The following CHADL variants were observed in gnomAD, a reference collection of about 807,000 sequenced individuals.
CHADL encodes the protein chondroadherin like, also known as chondroadherin-like protein.
CHADL carries 48 observed loss-of-function variants against 52.1 expected under a neutral mutation model. The ratio of observed to expected loss-of-function variants is 0.92; its 90% CI spans 0.73 to 1.17. The LOEUF (loss-of-function observed/expected upper bound fraction) is 1.17, where lower values mean the gene tolerates loss of function less well. CHADL is among the 50% of genes most tolerant of loss of function. The pLI is 0.00. For synonymous variants in CHADL, 498 were observed against 511.2 expected (o/e 0.97, Z 0.35); for missense variants, 977 against 1,035.1 (o/e 0.94, Z 0.77).
intron 5 of CHADL, among the ~76,000 whole-genome samples, chr22:41,234,435 G>A (rs1005640128): frequency 2.0e-5 from 3 of 151,356 alleles, no homozygotes; most frequent in African/African-American, 7.3e-5. Context: ...AGGCTGGGGT[G>A]CAGTGGCGTG....
intron 5 of CHADL, among the ~76,000 whole-genome samples, chr22:41,231,603 C>T (rs938124482): frequency 6.6e-6 from 1 of 152,242 alleles, no homozygotes; most frequent in Admixed American, 6.5e-5. Context: ...TAGAGGTCAG[C>T]TTGATTTGTT....
At chr22:41,229,849 C>G (rs1322356042) in intron 5 of CHADL, 119 bp from the exon 6 acceptor site, 5 of 935,252 alleles carry the variant, frequency 5.3e-6, no homozygotes, top group Non-Finnish European at 6.8e-6. Context: ...GAGCTGAGTC[C>G]CCCTCTAGCC....
intron 1 of CHADL, 80 bp from the exon 2 acceptor site, chr22:41,239,700 A>C: frequency 5.4e-6 from 7 of 1,307,946 alleles, no homozygotes; most frequent in Non-Finnish European, 7.1e-6. Flanking sequence ...GCCATGGTGC[A>C]GCTCCTGCCC....
rs1463895343 is a variant in CHADL, at chr22:41,238,382, G to A, written c.690C>T (p.Arg230=). The A allele has an allele frequency of 1.3e-6, 2 of 1,496,270 alleles. No individual in the cohort carries two copies. Among genetic ancestry groups the A allele is most frequent in the East Asian group, 2.5e-5 (1 of 40,252 alleles). The allele number at this position is 1,496,270 out of a possible 1,614,324, so 92.7% of individuals were successfully genotyped here. A position where few individuals can be genotyped will look rare whatever the true frequency, so the allele number is the denominator to read the frequency against. The change falls in exon 3 of 6, where the codon CGC becomes CGT. Residue 230 remains arginine (R), a synonymous_variant. Transcript: ENST00000216241. This position sits in a 1 kb window ranked among gnomAD's most constrained non-coding sequence, Gnocchi z 4.9. ...ALPGPVLSQA[R]GLARLELGHN... ...GGCCCAGCTCCAGACGGGCCAGGCC[G>A]CGGGCCTGGGACAAGACAGGCCCGG...
Position 41,238,580 on chromosome 22 carries a change from G to A in CHADL, c.492C>T (p.Asn164=), listed in dbSNP as rs756471212. Residue 164 remains asparagine, a synonymous_variant, in exon 3 of 6, where the codon AAC becomes AAT. Transcript: ENST00000216241. The surrounding 1 kb of genome is among the most constrained non-coding windows in gnomAD (Gnocchi z 4.9). ...FGALGALATL[N]LAHNALVYLP... Reference sequence around the variant, plus strand: ...GGTAAACCAGGGCGTTGTGGGCCAGGTTTAGCGTGGCCAGCGCACCCAGTG... The same window carrying A: ...GGTAAACCAGGGCGTTGTGGGCCAGATTTAGCGTGGCCAGCGCACCCAGTG... The A allele has an allele frequency of 1.4e-4, 218 of 1,545,996 alleles. No homozygotes were observed. Among genetic ancestry groups the A allele is most frequent in the Admixed American group, 1.8e-4 (9 of 50,974 alleles).
rs909506955 is a variant in CHADL at position 41,229,545 on chromosome 22, A to G, written c.*159T>C. 5 of 1,608,754 alleles carry G rather than the reference A, an allele frequency of 3.1e-6. No individual in the cohort carries two copies. Among genetic ancestry groups the G allele is most frequent in the Non-Finnish European group, 4.3e-6 (5 of 1,175,968 alleles). ...GAATCCATTTTTATTCAAAGGGAAA[A>G]GAATCCCGCCCACTAAGACGCGACC... is the stretch of plus-strand genomic sequence containing the variant. On this transcript the variant is annotated 3_prime_UTR_variant, in exon 6 of 6. Coordinates refer to ENST00000216241, the MANE Select transcript of CHADL (RefSeq NM_138481.2).
Position 41,237,607 on chromosome 22 carries a change from T to C in CHADL, c.1465A>G (p.Ser489Gly), listed in dbSNP as rs1264862508. Residue 489 changes from serine (S) to glycine (G), a missense_variant, in exon 3 of 6, where the codon AGC (serine) becomes GGC (glycine). By Grantham distance (56) the Ser-to-Gly change is moderately conservative. Transcript: ENST00000216241. ...GGAGCCCCTTCAAGGGCAGCAGCGC[T>C]GAGGCCTGCGAGCTGGTTGTCGGAG... ...YLSDNQLAGL[S>G]AAALEGAPRL... The C allele has an allele frequency of 1.9e-6, 3 of 1,550,350 alleles. No homozygotes were observed. The East Asian group carries it at 7.3e-5, about 38-fold the overall frequency.
At chr22:41,235,073 C>T (rs1347224358) in intron 5 of CHADL, 72 bp downstream of exon 5, 2 of 1,468,944 alleles carry the variant, frequency 1.4e-6, no homozygotes, top group East Asian at 2.5e-5. Flanking sequence ...AAGTCAGGCT[C>T]CTGCTTCCTG....
intron 5 of CHADL, 147 bp downstream of exon 5, chr22:41,234,992 GATGGAC>G (rs1601556043): frequency 2.6e-6 from 2 of 783,828 alleles, no homozygotes; most frequent in Non-Finnish European, 2.0e-6. Context: ...CCCAGCCTCG[GATGGAC>G]ATTATTGAAC....
In CHADL at chr22:41,237,647, C is replaced by T. The variant is rs994829884; in HGVS notation, c.1425G>A (p.Leu475=). The T allele has an allele frequency of 1.3e-6, 2 of 1,548,030 alleles. No individual in the cohort carries two copies. The highest frequency in any genetic ancestry group is 1.7e-6 in the Non-Finnish European group (2 of 1,145,226). The part of the protein sequence containing the change: ...EAGALAGLGR[L]IYLYLSDNQL... ...GGTTGTCGGAGAGGTACAGGTAGAT[C>T]AGGCGGCCCAGCCCGGCCAGGGCGC... Residue 475 remains leucine (L), a synonymous_variant, in exon 3 of 6, where the codon CTG becomes CTA. Transcript: ENST00000216241.
chr22:41,232,045 AC>A (rs2145628707), intron 5 of CHADL, among the ~76,000 whole-genome samples: 1 of 152,224 alleles, frequency 6.6e-6, no homozygotes, highest in East Asian at 1.9e-4. Context: ...TTAAATTTAC[AC>A]CTGTTGCCGG....
intron 3 of CHADL, 67 bp from the exon 4 acceptor site, chr22:41,236,717 G>T (rs1417502360): frequency 7.0e-7 from 1 of 1,425,538 alleles, no homozygotes; most frequent in East Asian, 2.5e-5. Flanking sequence ...AGTCTGGAAG[G>T]GAGCCCCATC....
chr22:41,233,668 G>A (rs1031835408), intron 5 of CHADL, among the ~76,000 whole-genome samples: 4 of 152,130 alleles, frequency 2.6e-5, no homozygotes, highest in East Asian at 1.9e-4. Context: ...CAGAGAGCAC[G>A]CCCCTGCCAA....
At position 41,238,596 on chromosome 22, in the gene CHADL, G is replaced by T. The variant is rs1335106589; in HGVS notation, c.476C>A (p.Ala159Glu). The change falls in exon 3 of 6, where the codon GCG (alanine) becomes GAG (glutamate). Residue 159 changes from alanine to glutamate, a missense_variant. Transcript: ENST00000216241. This position sits in a 1 kb window ranked among gnomAD's most constrained non-coding sequence, Gnocchi z 4.9. Reference protein sequence around the residue: ...LRPGTFGALGALATLNLAHNA... With the variant: ...LRPGTFGALGELATLNLAHNA... The stretch of plus-strand genomic sequence containing the variant: ...GTGGGCCAGGTTTAGCGTGGCCAGC[G>T]CACCCAGTGCCCCGAACGTCCCCGG... 1.3e-6 allele frequency: 2 copies of T among 1,545,026 alleles called. No homozygotes were observed. Among genetic ancestry groups the T allele is most frequent in the East Asian group, 4.9e-5 (2 of 40,890 alleles).
chr22:41,235,893 A>T (rs1158964517), intron 4 of CHADL, among the ~76,000 whole-genome samples: 2 of 151,588 alleles, frequency 1.3e-5, no homozygotes, highest in African/African-American at 2.4e-5. Flanking sequence ...TTTTTTTGAG[A>T]TGGAGTCTCA....
Position 41,238,147 on chromosome 22 carries a change from C to A in CHADL, c.925G>T (p.Gly309Trp), listed in dbSNP as rs1360564480. Reference protein sequence around the residue: ...PGQLRRLRLQGNPLWCGCQAR... With the variant: ...PGQLRRLRLQWNPLWCGCQAR... ...TGGCAGCCGCACCACAGCGGATTCC[C>A]CTGCAGCCGCAGCCGGCGCAGCTGG... Residue 309 changes from glycine to tryptophan, a missense_variant, in exon 3 of 6, where the codon GGG (glycine) becomes TGG (tryptophan). By Grantham distance (184) the Gly-to-Trp change is radical. Coordinates refer to ENST00000216241, the MANE Select transcript of CHADL (RefSeq NM_138481.2). This position sits in a 1 kb window ranked among gnomAD's most constrained non-coding sequence, Gnocchi z 4.9. 5.9e-5 allele frequency: 85 copies of A among 1,447,352 alleles called. No homozygotes were observed. Among genetic ancestry groups the A allele is most frequent in the Non-Finnish European group, 7.6e-5 (84 of 1,107,554 alleles). The allele number at this position is 1,447,352 out of a possible 1,614,324, so 89.7% of individuals were successfully genotyped here. A position where few individuals can be genotyped will look rare whatever the true frequency, so the allele number is the denominator to read the frequency against.
chr22:41,234,797 C>A (rs527240071), intron 5 of CHADL, among the ~76,000 whole-genome samples: 1 of 152,348 alleles, frequency 6.6e-6, no homozygotes, highest in Admixed American at 6.5e-5. Context: ...TCGTGATCTG[C>A]ACGCCTCGGC....
intron 1 of CHADL, 47 bp downstream of exon 1, chr22:41,240,827 T>C (rs2145641145): frequency 1.3e-6 from 2 of 1,549,906 alleles, no homozygotes; most frequent in Non-Finnish European, 8.7e-7. Context: ...CTGAGGCCAC[T>C]GAGCTGCTCT....
intron 5 of CHADL, among the ~76,000 whole-genome samples, chr22:41,232,559 C>T (rs1042000575): frequency 2.0e-5 from 3 of 152,104 alleles, no homozygotes; most frequent in African/African-American, 7.2e-5. Flanking sequence ...GCCTGAGCCT[C>T]AAGATAAGAG....
Sources: allele counts gnomAD v4.1 joint callset (sites outside exome capture counted in the v4.1 genomes callset), GRCh38; gene constraint gnomAD v4.1.1; non-coding constraint Gnocchi (gnomAD v3.1); transcripts MANE v1.5; gene names NCBI Gene and HGNC (gene_info 2026-07-23, HGNC 2026-07-21).